CREB5: variants seen among roughly 807,000 people sequenced by gnomAD.
CREB5 encodes the protein cAMP responsive element binding protein 5.
Under a neutral mutation model 57.1 loss-of-function variants are expected in CREB5, and 19 were observed. That is an observed-to-expected ratio of 0.33 (90% CI 0.23 to 0.49). CREB5 has a LOEUF of 0.49. Ranked by LOEUF, CREB5 falls within the 20% of genes least tolerant of loss-of-function variation. The probability of loss-of-function intolerance (pLI) is 0.99; values close to 1 mark genes in which losing one functional copy is unlikely to be tolerated. For missense variants in CREB5, 579 were observed against 671.6 expected, an observed-to-expected ratio of 0.86 and a Z score of 1.52; for synonymous variants, 238 against 238.3, an observed-to-expected ratio of 1.00 and a Z score of 0.01.
At chr7:28,498,600 C>T (rs180926540) in intron 3 of CREB5, among the ~76,000 whole-genome samples, 23 of 152,194 alleles carry the variant, frequency 1.5e-4, no homozygotes, top group Admixed American at 1.1e-3. Context: ...TGATTGTAAA[C>T]GATTTTTGAC....
At chr7:28,537,981 G>A (rs546813468) in intron 4 of CREB5, among the ~76,000 whole-genome samples, 1 of 152,212 alleles carries the variant, frequency 6.6e-6, no homozygotes, top group South Asian at 2.1e-4. Context: ...AAACACTGGG[G>A]GAAAAAATCT....
intron 1 of CREB5, among the ~76,000 whole-genome samples, chr7:28,432,642 A>G (rs1788771979): frequency 6.6e-6 from 1 of 152,228 alleles, no homozygotes; most frequent in Non-Finnish European, 1.5e-5. Context: ...AAATCTTTCT[A>G]GTGTGTTCCT....
chr7:28,572,135 AC>A (rs1288851218), intron 5 of CREB5, among the ~76,000 whole-genome samples: 1 of 152,182 alleles, frequency 6.6e-6, no homozygotes, highest in African/African-American at 2.4e-5. Context: ...TTTTCAACTT[AC>A]CAGGAATGGC....
intron 4 of CREB5, among the ~76,000 whole-genome samples, chr7:28,553,521 A>T (rs531430959): frequency 6.6e-6 from 1 of 152,290 alleles, no homozygotes; most frequent in East Asian, 1.9e-4. Context: ...AGGGGGTAAA[A>T]ATATATAGTT....
intron 1 of CREB5, among the ~76,000 whole-genome samples, chr7:28,391,691 T>G (rs547604196): frequency 6.6e-6 from 1 of 152,210 alleles, no homozygotes; most frequent in Non-Finnish European, 1.5e-5. Flanking sequence ...TCCCATGTCC[T>G]CTGGGAAGGA....
chr7:28,656,486 C>A (rs899911515), intron 5 of CREB5, among the ~76,000 whole-genome samples: 8 of 152,154 alleles, frequency 5.3e-5, no homozygotes, highest in African/African-American at 1.9e-4. Flanking sequence ...TCCTGCTTTG[C>A]AATATTTCTA....
At position 28,714,309 on chromosome 7, in the gene CREB5, T is replaced by C. The variant is rs1158050457; in HGVS notation, c.465-4444T>C. ...AATTAAAAGAAAATGGGAAGATCAATATCTTCCCATCTTCTAACCTACTTT... is the reference window on the plus strand; with the variant it reads ...AATTAAAAGAAAATGGGAAGATCAACATCTTCCCATCTTCTAACCTACTTT... On this transcript the variant is annotated intron_variant, in intron 5 of 10. Coordinates refer to ENST00000357727, the MANE Select transcript of CREB5 (RefSeq NM_182898.4). Among the ~76,000 whole-genome samples the C allele has an allele frequency of 3.9e-5, 6 of 152,194 alleles. No individual in the cohort carries two copies. The East Asian group carries it at 1.2e-3, about 29-fold the overall frequency.
At chr7:28,481,247 T>A (rs529806283) in intron 1 of CREB5, among the ~76,000 whole-genome samples, 1 of 152,294 alleles carries the variant, frequency 6.6e-6, no homozygotes, top group Admixed American at 6.5e-5. Context: ...CTAAGCATAA[T>A]ATAAAGTGTG....
intron 4 of CREB5, among the ~76,000 whole-genome samples, chr7:28,569,142 C>CTTTCT (rs756631249): frequency 7.3e-5 from 11 of 151,070 alleles, no homozygotes; most frequent in Non-Finnish European, 1.6e-4. Flanking sequence ...AGCACTTTCT[C>CTTTCT]TTTCTTTTCT....
At chr7:28,780,794 C>T (rs934001835) in intron 7 of CREB5, among the ~76,000 whole-genome samples, 1 of 151,914 alleles carries the variant, frequency 6.6e-6, no homozygotes, top group Non-Finnish European at 1.5e-5. Context: ...AAGCATTTAC[C>T]CAGCATACAA....
chr7:28,622,615 A>G (rs564459843), intron 5 of CREB5, among the ~76,000 whole-genome samples: 72 of 152,338 alleles, frequency 4.7e-4, no homozygotes, highest in African/African-American at 1.7e-3. Context: ...CTCTTGAGGT[A>G]CAGATTATAT....
intron 1 of CREB5, among the ~76,000 whole-genome samples, chr7:28,393,813 G>A (rs1329442950): frequency 2.6e-5 from 4 of 152,094 alleles, no homozygotes; most frequent in Non-Finnish European, 5.9e-5. Flanking sequence ...GGTGGCTCAC[G>A]CCTGTAATCC....
intron 5 of CREB5, among the ~76,000 whole-genome samples, chr7:28,575,980 C>T (rs1376822188): frequency 3.9e-5 from 6 of 152,254 alleles, no homozygotes; most frequent in African/African-American, 1.2e-4. Flanking sequence ...GTTGTAACAC[C>T]ACATGGTATT....
intron 1 of CREB5, among the ~76,000 whole-genome samples, chr7:28,438,383 T>C (rs1789045722): frequency 6.6e-6 from 1 of 152,124 alleles, no homozygotes; most frequent in Admixed American, 6.6e-5. Context: ...TCGGGGCCAC[T>C]GAGGATGGGC....
intron 1 of CREB5, among the ~76,000 whole-genome samples, chr7:28,472,165 A>AAAAAAC (rs1554328949): frequency 6.8e-6 from 1 of 148,010 alleles, no homozygotes; most frequent in Non-Finnish European, 1.5e-5. Context: ...AAAAAAAAAA[A>AAAAAAC]ACATAGTAAT....
chr7:28,495,934 T>C (rs1356079568), intron 3 of CREB5, among the ~76,000 whole-genome samples: 1 of 152,066 alleles, frequency 6.6e-6, no homozygotes, highest in Non-Finnish European at 1.5e-5. Context: ...TAGCTAATTG[T>C]GATTTATTCT....
At chr7:28,610,888 CGT>C (rs368613839) in intron 5 of CREB5, among the ~76,000 whole-genome samples, 49 of 147,484 alleles carry the variant, frequency 3.3e-4, no homozygotes, top group East Asian at 7.9e-4. Context: ...CGTGTGTGTG[CGT>C]GTGTGTGTGT....
At chr7:28,457,690 C>T (rs951780941) in intron 1 of CREB5, among the ~76,000 whole-genome samples, 1 of 152,058 alleles carries the variant, frequency 6.6e-6, no homozygotes, top group Non-Finnish European at 1.5e-5. Flanking sequence ...ACAAAGAGAC[C>T]ATTTCCATCT....
chr7:28,551,839 T>C (rs945684592), intron 4 of CREB5, among the ~76,000 whole-genome samples: 3 of 149,182 alleles, frequency 2.0e-5, no homozygotes, highest in Admixed American at 6.6e-5. Context: ...CTTTCTTTCT[T>C]TCTTTTTCTT....
Sources: gnomAD v4.1 joint callset for allele counts (sites outside exome capture counted in the v4.1 genomes callset) on GRCh38, gnomAD v4.1.1 for gene constraint, MANE v1.5 for transcripts, NCBI Gene and HGNC (gene_info 2026-07-23, HGNC 2026-07-21) for gene names.